The following CTNNA2 variants were observed in gnomAD, a reference collection of about 807,000 sequenced individuals.
CTNNA2 encodes the protein catenin alpha-2.
A neutral mutation model predicts 101.0 loss-of-function variants in CTNNA2; 42 were observed. The ratio of observed to expected loss-of-function variants is 0.42; its 90% CI spans 0.32 to 0.54. CTNNA2 has a LOEUF of 0.54. Ranked by LOEUF, CTNNA2 falls within the 20% of genes least tolerant of loss-of-function variation. The pLI is 0.14. For synonymous variants in CTNNA2, 450 were observed against 456.4 expected (o/e 0.99, Z 0.18); for missense variants, 871 against 1,223.1 (o/e 0.71, Z 4.29).
At chr2:79,475,892 T>G (rs1403305686) in intron 4 of CTNNA2, among the ~76,000 whole-genome samples, 1 of 152,100 alleles carries the variant, frequency 6.6e-6, no homozygotes, top group African/African-American at 2.4e-5. Flanking sequence ...ATAAGATAAA[T>G]GAAGGGCAGT....
chr2:80,050,656 G>A lies in CTNNA2; in HGVS notation c.1056+140859G>A, dbSNP rs1018522961. Among the ~76,000 whole-genome samples the A allele has an allele frequency of 5.3e-5, 8 of 152,278 alleles. No individual in the cohort carries two copies. In the East Asian group the frequency reaches 1.2e-3, roughly 22 times the overall value. Reference sequence around the variant, plus strand: ...ATCATAGTGACCCTGATGAGTACAAGCCATAGACCCAAACCCTAACTGAAG... The same window carrying A: ...ATCATAGTGACCCTGATGAGTACAAACCATAGACCCAAACCCTAACTGAAG... On this transcript the variant is annotated intron_variant, in intron 7 of 18. Transcript: ENST00000402739.
chr2:79,810,533 T>C (rs866545622), intron 3 of CTNNA2, among the ~76,000 whole-genome samples: 144 of 152,050 alleles, frequency 9.5e-4, no homozygotes, highest in African/African-American at 2.8e-3. Context: ...TTTCTTTTTT[T>C]TTTTTTGTTA....
At chr2:80,098,309 T>C (rs1700298285) in intron 7 of CTNNA2, among the ~76,000 whole-genome samples, 1 of 152,230 alleles carries the variant, frequency 6.6e-6, no homozygotes, top group African/African-American at 2.4e-5. Context: ...CAGCGGTGGC[T>C]GCAGAACAGC....
At chr2:80,391,340 C>G (rs911355722) in intron 7 of CTNNA2, among the ~76,000 whole-genome samples, 5 of 152,042 alleles carry the variant, frequency 3.3e-5, no homozygotes. Context: ...ATGGAATAAG[C>G]CCAGAGTCTG....
intron 7 of CTNNA2, among the ~76,000 whole-genome samples, chr2:80,024,658 C>T (rs1211112703): frequency 6.6e-6 from 1 of 152,192 alleles, no homozygotes; most frequent in Non-Finnish European, 1.5e-5. Context: ...TGTGTGGGCC[C>T]CGCAGCAGTG....
chr2:80,384,963 G>A (rs567037617), intron 7 of CTNNA2, among the ~76,000 whole-genome samples: 77 of 152,102 alleles, frequency 5.1e-4, no homozygotes, highest in Non-Finnish European at 8.8e-4. Flanking sequence ...ATTAACTCAT[G>A]GCACCAGGTA....
At chr2:80,643,678 A>G (rs1325432091) in intron 18 of CTNNA2, among the ~76,000 whole-genome samples, 1 of 152,172 alleles carries the variant, frequency 6.6e-6, no homozygotes, top group Non-Finnish European at 1.5e-5. Context: ...GCAAGACTGG[A>G]CCAGGTAAAG....
intron 6 of CTNNA2, among the ~76,000 whole-genome samples, chr2:79,896,284 C>CAA (rs200678340): frequency 3.9e-4 from 55 of 141,138 alleles, no homozygotes; most frequent in Middle Eastern, 3.7e-3. Flanking sequence ...GACCCTGTCT[C>CAA]AAAAAAAAAA....
chr2:80,487,056 C>T (rs539112836), intron 9 of CTNNA2, among the ~76,000 whole-genome samples: 4 of 151,976 alleles, frequency 2.6e-5, no homozygotes, highest in Non-Finnish European at 4.4e-5. Flanking sequence ...GAGGTCGAGG[C>T]GGGTGGATCA....
rs553096605 is a variant in CTNNA2, at chr2:80,543,125, A to G, written c.1291-1857A>G. Among the ~76,000 whole-genome samples the G allele has an allele frequency of 7.2e-5, 11 of 152,360 alleles. No homozygotes were observed. In the East Asian group the frequency reaches 2.1e-3, roughly 29 times the overall value. ...TTTACAAGCTATTGTTTAATTTATT[A>G]AATAAACATGTACAAAACACCAATT... On this transcript the variant is annotated intron_variant, in intron 9 of 18. Coordinates refer to ENST00000402739, the MANE Select transcript of CTNNA2 (RefSeq NM_001282597.3).
intron 3 of CTNNA2, among the ~76,000 whole-genome samples, chr2:79,849,203 C>T (rs191537511): frequency 3.1e-4 from 47 of 151,988 alleles, no homozygotes; most frequent in African/African-American, 1.1e-3. Context: ...GACCATGGAG[C>T]CCACTACCCT....
At chr2:80,545,844 A>G in intron 10 of CTNNA2, 63 bp from the exon 11 acceptor site, 1 of 1,558,718 alleles carries the variant, frequency 6.4e-7, no homozygotes, top group Non-Finnish European at 8.7e-7. Context: ...ATGGTCTTTG[A>G]CCGGCTTATT....
intron 2 of CTNNA2, among the ~76,000 whole-genome samples, chr2:79,657,665 T>C (rs560682887): frequency 1.3e-5 from 2 of 151,774 alleles, no homozygotes; most frequent in African/African-American, 4.8e-5. Flanking sequence ...CATTTGAAAA[T>C]TTAAATGCAA....
intron 1 of CTNNA2, among the ~76,000 whole-genome samples, chr2:79,578,124 C>T (rs1675911043): frequency 1.3e-5 from 2 of 152,114 alleles, no homozygotes; most frequent in African/African-American, 4.8e-5. Flanking sequence ...TATTATAACA[C>T]TTCATAGCAA....
intron 3 of CTNNA2, among the ~76,000 whole-genome samples, chr2:79,793,955 A>G (rs937961190): frequency 7.9e-5 from 12 of 151,810 alleles, no homozygotes; most frequent in African/African-American, 2.9e-4. Context: ...AATAAGAATG[A>G]TACAATGGAC....
intron 7 of CTNNA2, among the ~76,000 whole-genome samples, chr2:80,230,773 A>C (rs1313211323): frequency 6.6e-6 from 1 of 152,178 alleles, no homozygotes; most frequent in East Asian, 1.9e-4. Context: ...CCAGGGATCC[A>C]AAACTGGAGC....
intron 7 of CTNNA2, among the ~76,000 whole-genome samples, chr2:80,137,421 A>T (rs1230784145): frequency 6.6e-6 from 1 of 152,142 alleles, no homozygotes; most frequent in Non-Finnish European, 1.5e-5. Flanking sequence ...AAAATACCTG[A>T]TGGGAACATT....
chr2:79,747,795 T>C (rs1187196717), intron 3 of CTNNA2, among the ~76,000 whole-genome samples: 1 of 152,216 alleles, frequency 6.6e-6, no homozygotes, highest in Non-Finnish European at 1.5e-5. Flanking sequence ...TTTCAAGTTT[T>C]CTTTTTATAT....
At chr2:79,938,466 T>C (rs1045328914) in intron 7 of CTNNA2, among the ~76,000 whole-genome samples, 1 of 152,244 alleles carries the variant, frequency 6.6e-6, no homozygotes, top group African/African-American at 2.4e-5. Flanking sequence ...TGTATGTGTG[T>C]GTGTGCTTAT....
Sources: gnomAD v4.1 joint callset for allele counts (sites outside exome capture counted in the v4.1 genomes callset) on GRCh38, gnomAD v4.1.1 for gene constraint, MANE v1.5 for transcripts, NCBI Gene and HGNC (gene_info 2026-07-23, HGNC 2026-07-21) for gene names.